The following TPX2 variants were observed in gnomAD, a reference collection of about 807,000 sequenced individuals.
TPX2 encodes the protein TPX2 microtubule nucleation factor.
In TPX2, 21 loss-of-function variants were observed where a neutral mutation model predicts 93.6. The observed-to-expected ratio is 0.22, with a 90% CI of 0.16 to 0.32. The LOEUF is 0.32. Ranked by LOEUF, TPX2 falls within the 10% of genes least tolerant of loss-of-function variation. The pLI is 1.00. For synonymous variants in TPX2, 281 were observed against 298.3 expected (o/e 0.94, Z 0.60); for missense variants, 776 against 871.1 (o/e 0.89, Z 1.37).
intron 3 of TPX2, among the ~76,000 whole-genome samples, chr20:31,759,440 G>T (rs1377341844): frequency 1.5e-5 from 2 of 129,828 alleles, no homozygotes; most frequent in Non-Finnish European, 1.5e-5. Context: ...TTGCTCTGTC[G>T]CCAGGCTGTA....
chr20:31,756,809 T>C (rs750190711), intron 2 of TPX2, among the ~76,000 whole-genome samples: 108 of 152,032 alleles, frequency 7.1e-4, no homozygotes, highest in African/African-American at 2.5e-3. Context: ...ATTTTTTAAG[T>C]ACAGAAGAGG....
intron 9 of TPX2, among the ~76,000 whole-genome samples, chr20:31,778,408 T>C (rs1042322227): frequency 6.6e-6 from 1 of 152,176 alleles, no homozygotes; most frequent in Non-Finnish European, 1.5e-5. Context: ...GAGATTCCAC[T>C]GATTCAGGAA....
At chr20:31,755,267 A>G (rs553905778) in intron 2 of TPX2, among the ~76,000 whole-genome samples, 16 of 149,452 alleles carry the variant, frequency 1.1e-4, no homozygotes, top group Admixed American at 5.3e-4. Flanking sequence ...TATTTTTAGT[A>G]GAGATGGGGT....
chr20:31,787,247 A>G (rs2062072958), intron 12 of TPX2, among the ~76,000 whole-genome samples: 1 of 148,478 alleles, frequency 6.7e-6, no homozygotes, highest in Admixed American at 6.8e-5. Flanking sequence ...TGAGCCCATC[A>G]TCTCCTTAAA....
At chr20:31,774,229 G>A (rs142328243) in intron 7 of TPX2, among the ~76,000 whole-genome samples, 54 of 152,246 alleles carry the variant, frequency 3.5e-4, no homozygotes, top group African/African-American at 8.7e-4. Context: ...GTGCAGTAGA[G>A]CAAAAGAAAA....
intron 5 of TPX2, 73 bp downstream of exon 5, chr20:31,766,755 A>G: frequency 2.3e-6 from 3 of 1,312,086 alleles, no homozygotes; most frequent in Non-Finnish European, 2.1e-6. Flanking sequence ...CAGAACATCT[A>G]TTATGTGTCT....
At chr20:31,795,164 C>T (rs939915136) in intron 15 of TPX2, among the ~76,000 whole-genome samples, 3 of 145,946 alleles carry the variant, frequency 2.1e-5, no homozygotes, top group East Asian at 2.1e-4. Context: ...GACAGAGTGT[C>T]GCTCTGTCAC....
At position 31,794,395 on chromosome 20, in the gene TPX2, C is replaced by A; in HGVS notation, c.1687-7C>A. 1 of 1,612,640 alleles carries A rather than the reference C, an allele frequency of 6.2e-7. No homozygotes were observed. Among genetic ancestry groups the A allele is most frequent in the African/African-American group, 1.3e-5 (1 of 74,958 alleles). On this transcript the variant is annotated splice_region_variant and splice_polypyrimidine_tract_variant and intron_variant, in intron 14 of 17. Transcript: ENST00000300403. ...TATCTTAAACCTCATGTTTTCTTTT[C>A]TGTTAGGTGCCCAAGTTCAAGGCAC... is the stretch of plus-strand genomic sequence containing the variant.
At chr20:31,771,493 T>TG in intron 6 of TPX2, 67 bp from the exon 7 acceptor site, 9 of 1,549,040 alleles carry the variant, frequency 5.8e-6, no homozygotes, top group Non-Finnish European at 7.8e-6. Context: ...GCAGTAGATT[T>TG]GGGGAGGAGG....
At chr20:31,763,721 ATTTTTTT>A (rs370520481) in intron 4 of TPX2, among the ~76,000 whole-genome samples, 1 of 114,030 alleles carries the variant, frequency 8.8e-6, no homozygotes, top group East Asian at 2.1e-4. Flanking sequence ...TTTAAATTTA[ATTTTTTT>A]TTTTTTTTTG....
At chr20:31,783,567 T>C in intron 11 of TPX2, 138 bp from the exon 12 acceptor site, 2 of 880,448 alleles carry the variant, frequency 2.3e-6, no homozygotes, top group Non-Finnish European at 3.4e-6. Context: ...TTTTCGTTTT[T>C]ATTTATTTTA....
chr20:31,758,586 ATCC>A (rs2061866604), intron 3 of TPX2, among the ~76,000 whole-genome samples: 1 of 152,228 alleles, frequency 6.6e-6, no homozygotes, highest in African/African-American at 2.4e-5. Flanking sequence ...TCATGTCTCC[ATCC>A]TCCTTATCGG....
chr20:31,758,421 T>G (rs1333090687), intron 3 of TPX2, among the ~76,000 whole-genome samples: 1 of 152,134 alleles, frequency 6.6e-6, no homozygotes, highest in Admixed American at 6.6e-5. Flanking sequence ...CGCCTGGCCC[T>G]CAATTCATTT....
At chr20:31,791,440 T>C (rs1435895091) in intron 12 of TPX2, among the ~76,000 whole-genome samples, 11 of 152,108 alleles carry the variant, frequency 7.2e-5, no homozygotes, top group African/African-American at 2.4e-4. Flanking sequence ...CCCGCCACCA[T>C]GCCCGGCTAA....
chr20:31,760,190 A>T lies in TPX2; in HGVS notation c.229+11A>T. On this transcript the variant is annotated intron_variant, in intron 4 of 17. Transcript: ENST00000300403. Reference sequence around the variant, plus strand: ...CACCTTTGAAACCAGGTAAGAAAACATCTTAGAAAAAAGCTCCTTGATAGA... The same window carrying T: ...CACCTTTGAAACCAGGTAAGAAAACTTCTTAGAAAAAAGCTCCTTGATAGA... The T allele has an allele frequency of 1.2e-6, 2 of 1,613,072 alleles. No homozygotes were observed. The highest frequency in any genetic ancestry group is 1.7e-6 in the Non-Finnish European group (2 of 1,179,622).
intron 4 of TPX2, among the ~76,000 whole-genome samples, chr20:31,765,425 C>G (rs894095821): frequency 6.6e-6 from 1 of 151,688 alleles, no homozygotes; most frequent in African/African-American, 2.4e-5. Context: ...ATCCCTACCC[C>G]CTGTCCTTTT....
chr20:31,792,897 T>G (rs2062111758), intron 13 of TPX2, 67 bp downstream of exon 13: 11 of 1,433,186 alleles, frequency 7.7e-6, no homozygotes, highest in Admixed American at 1.7e-5. Flanking sequence ...GCCTTATCAT[T>G]TATTAATCTT....
rs2061859990 is a variant in TPX2, at chr20:31,757,563, A to G, written c.87A>G (p.Gln29=). The change falls in exon 3 of 18, where the codon CAA becomes CAG. Residue 29 remains glutamine (Q), a synonymous_variant. Coordinates refer to ENST00000300403, the MANE Select transcript of TPX2 (RefSeq NM_012112.5). The part of the protein sequence containing the change: ...FSSLDDEGDT[Q]NIDSWFEEKA... ...CCTTGGATGATGAAGGAGATACTCA[A>G]AACATAGATTCATGGTTTGGTAAGT... 1 of 1,613,958 alleles carries G rather than the reference A, an allele frequency of 6.2e-7. No individual in the cohort carries two copies. The highest frequency in any genetic ancestry group is 8.5e-7 in the Non-Finnish European group (1 of 1,179,926).
chr20:31,766,406 C>T, intron 4 of TPX2, 150 bp from the exon 5 acceptor site: 1 of 809,692 alleles, frequency 1.2e-6, no homozygotes, highest in Non-Finnish European at 1.8e-6. Context: ...ATAAACTGGT[C>T]TTCTGTATAA....
Sources: gnomAD v4.1 joint callset for allele counts (sites outside exome capture counted in the v4.1 genomes callset) on GRCh38, gnomAD v4.1.1 for gene constraint, MANE v1.5 for transcripts, NCBI Gene and HGNC (gene_info 2026-07-23, HGNC 2026-07-21) for gene names.